Variants in RANBP17 observed in about 807,000 individuals in gnomAD.
The protein encoded by RANBP17 is ran-binding protein 17.
RANBP17 carries 158 observed loss-of-function variants against 141.2 expected under a neutral mutation model. That is an observed-to-expected ratio of 1.12 (90% CI 0.98 to 1.28). RANBP17 has a LOEUF of 1.28. Ranked by LOEUF, RANBP17 falls within the 50% of genes most tolerant of loss-of-function variation. The pLI, the probability that RANBP17 is intolerant of heterozygous loss-of-function variation, is 0.00. For missense variants in RANBP17, 1,438 were observed against 1,290.7 expected (o/e 1.11, Z -1.75); for synonymous variants, 430 against 450.0 (o/e 0.96, Z 0.56).
intron 24 of RANBP17, among the ~76,000 whole-genome samples, chr5:171,255,535 A>AT (rs1357068140): frequency 6.6e-6 from 1 of 152,158 alleles, no homozygotes; most frequent in Non-Finnish European, 1.5e-5. Context: ...TCACATCTAC[A>AT]CCATACTTCA....
At position 170,894,127 on chromosome 5, in the gene RANBP17, G is replaced by T. The variant is rs181422448; in HGVS notation, c.423+1574G>T. ...GCTCTGAGGAGATCAGTTTATACTA[G>T]GGCAGAAGGATAGTTTATTCAGGAC... On this transcript the variant is annotated intron_variant, in intron 4 of 27. Coordinates refer to ENST00000523189, the MANE Select transcript of RANBP17 (RefSeq NM_022897.5). 7.3e-4 allele frequency among the ~76,000 whole-genome samples: 111 copies of T among 152,278 alleles called. 1 individual carries two copies. The East Asian group carries it at 0.018, about 24-fold the overall frequency.
chr5:171,093,250 G>A (rs557475541), intron 14 of RANBP17, among the ~76,000 whole-genome samples: 7 of 151,450 alleles, frequency 4.6e-5, no homozygotes, highest in South Asian at 2.1e-4. Flanking sequence ...TACATATCAC[G>A]GACAGGTTTT....
At chr5:171,134,166 A>G (rs972283839) in intron 14 of RANBP17, among the ~76,000 whole-genome samples, 4 of 152,212 alleles carry the variant, frequency 2.6e-5, no homozygotes, top group African/African-American at 9.6e-5. Context: ...TAAAAGATGG[A>G]TATACATTAC....
At chr5:171,014,206 A>G (rs752378562) in intron 14 of RANBP17, among the ~76,000 whole-genome samples, 1 of 151,616 alleles carries the variant, frequency 6.6e-6, no homozygotes, top group South Asian at 2.1e-4. Flanking sequence ...TCTTTAACCT[A>G]TCTATGTCTT....
chr5:171,046,714 A>T (rs764360180), intron 14 of RANBP17, among the ~76,000 whole-genome samples: 1 of 152,174 alleles, frequency 6.6e-6, no homozygotes, highest in African/African-American at 2.4e-5. Context: ...ACACAAAATT[A>T]TATGGTTGGA....
intron 14 of RANBP17, among the ~76,000 whole-genome samples, chr5:171,080,731 G>A (rs1294221225): frequency 2.0e-5 from 3 of 152,130 alleles, no homozygotes; most frequent in African/African-American, 4.8e-5. Flanking sequence ...TCTTCTCTAC[G>A]TGTCAGCAGT....
At chr5:170,938,720 A>G (rs1774086034) in intron 12 of RANBP17, among the ~76,000 whole-genome samples, 1 of 152,314 alleles carries the variant, frequency 6.6e-6, no homozygotes, top group African/African-American at 2.4e-5. Flanking sequence ...CAACTGAGGA[A>G]AGAGTTGGCT....
In RANBP17 at chr5:171,103,500, C is replaced by T. The variant is rs958337571; in HGVS notation, c.1711-66630C>T. On this transcript the variant is annotated intron_variant, in intron 14 of 27. Coordinates refer to ENST00000523189, the MANE Select transcript of RANBP17 (RefSeq NM_022897.5). ...CGACTTCAGACTGCTGTGCTGGCAG[C>T]GAGATTTTCAAGCCAGGGGATCTTA... Among the ~76,000 whole-genome samples, 17 of 152,276 alleles carry T rather than the reference C, an allele frequency of 1.1e-4. No individual in the cohort carries two copies. The East Asian group carries it at 2.1e-3, about 19-fold the overall frequency.
chr5:170,957,138 C>T (rs550686436), intron 13 of RANBP17, among the ~76,000 whole-genome samples: 47 of 151,146 alleles, frequency 3.1e-4, no homozygotes, highest in African/African-American at 1.1e-3. Flanking sequence ...CGTGAGAAAA[C>T]GTATATTAGG....
chr5:171,205,455 C>A, intron 19 of RANBP17, 69 bp from the exon 20 acceptor site: 1 of 1,257,830 alleles, frequency 8.0e-7, no homozygotes, highest in Non-Finnish European at 1.2e-6. Context: ...GTCATTATTG[C>A]CTGATTATTA....
intron 25 of RANBP17, among the ~76,000 whole-genome samples, chr5:171,277,637 G>GTGTATATA (rs1437482589): frequency 0.031 from 1,770 of 56,878 alleles, 262 homozygotes; most frequent in African/African-American, 0.086. Context: ...ATATATGTAT[G>GTGTATATA]TATATATATA....
At chr5:171,060,421 CAT>C (rs1783734914) in intron 14 of RANBP17, among the ~76,000 whole-genome samples, 1 of 151,958 alleles carries the variant, frequency 6.6e-6, no homozygotes, top group Non-Finnish European at 1.5e-5. Context: ...TTGAGATAAT[CAT>C]GTGGTTTTTG....
chr5:170,932,838 G>A (rs112816516), intron 12 of RANBP17, among the ~76,000 whole-genome samples: 91,199 of 151,878 alleles, frequency 0.6, 29,127 homozygotes, highest in South Asian at 0.89. Context: ...TTTTTGCATC[G>A]ATATTCATCA....
chr5:171,268,763 C>T (rs561575723), intron 25 of RANBP17, among the ~76,000 whole-genome samples: 1 of 152,296 alleles, frequency 6.6e-6, no homozygotes, highest in South Asian at 2.1e-4. Context: ...CAGCACTCAA[C>T]CATAATCACA....
chr5:171,156,368 G>C, intron 14 of RANBP17, among the ~76,000 whole-genome samples: 1 of 152,106 alleles, frequency 6.6e-6, no homozygotes, highest in South Asian at 2.1e-4. Context: ...GTTTAATCCT[G>C]ATTAGAAGAT....
intron 1 of RANBP17, among the ~76,000 whole-genome samples, chr5:170,865,834 A>G (rs1171720710): frequency 6.6e-6 from 1 of 152,220 alleles, no homozygotes; most frequent in Non-Finnish European, 1.5e-5. Flanking sequence ...GCAGTTTGTT[A>G]CAGGGACAGG....
intron 3 of RANBP17, among the ~76,000 whole-genome samples, chr5:170,892,044 T>A (rs1769664203): frequency 6.6e-6 from 1 of 152,126 alleles, no homozygotes; most frequent in African/African-American, 2.4e-5. Context: ...AGCTATTAAC[T>A]TTTTGTCACA....
chr5:171,197,993 C>T (rs540198488), intron 18 of RANBP17, among the ~76,000 whole-genome samples: 58 of 152,300 alleles, frequency 3.8e-4, no homozygotes, highest in African/African-American at 1.3e-3. Context: ...GAGCCAAGAT[C>T]GTGCCACTGC....
At chr5:170,931,970 A>G (rs1024417277) in intron 12 of RANBP17, among the ~76,000 whole-genome samples, 19 of 152,224 alleles carry the variant, frequency 1.2e-4, no homozygotes, top group South Asian at 4.2e-4. Flanking sequence ...TGATGGGGAT[A>G]GCATTGAATC....
Sources: allele counts gnomAD v4.1 joint callset (sites outside exome capture counted in the v4.1 genomes callset), GRCh38; gene constraint gnomAD v4.1.1; transcripts MANE v1.5; gene names NCBI Gene and HGNC (gene_info 2026-07-23, HGNC 2026-07-21).